Variants in OXSR1 observed in about 807,000 individuals in gnomAD.
OXSR1 encodes oxidative stress responsive kinase 1.
OXSR1 carries 24 observed loss-of-function variants against 79.8 expected under a neutral mutation model. The observed-to-expected ratio is 0.30, with a 90% CI of 0.22 to 0.42. The LOEUF is 0.42. OXSR1 is among the 10% of genes least tolerant of loss of function. The pLI is 1.00. For missense variants in OXSR1, 430 were observed against 618.4 expected, an observed-to-expected ratio of 0.70 and a Z score of 3.23; for synonymous variants, 226 against 209.2, an observed-to-expected ratio of 1.08 and a Z score of -0.69.
chr3:38,180,641 C>T (rs992279205), intron 1 of OXSR1, among the ~76,000 whole-genome samples: 11 of 151,392 alleles, frequency 7.3e-5, no homozygotes, highest in African/African-American at 2.7e-4. Context: ...AAATGATCTC[C>T]CACCTCAGCC....
chr3:38,167,571 C>A (rs1252674943), intron 1 of OXSR1, among the ~76,000 whole-genome samples: 2 of 152,160 alleles, frequency 1.3e-5, no homozygotes, highest in Non-Finnish European at 2.9e-5. Flanking sequence ...TTTGTTTTTA[C>A]TTGCCTCTTG....
intron 5 of OXSR1, among the ~76,000 whole-genome samples, chr3:38,217,110 A>T (rs1300363459): frequency 6.6e-6 from 1 of 152,254 alleles, no homozygotes; most frequent in East Asian, 1.9e-4. Flanking sequence ...AAGTGGGCAG[A>T]AAACTGGCAT....
rs371937264 is a variant in OXSR1 at position 38,198,676 on chromosome 3, T to C, written c.293-46T>C. On this transcript the variant is annotated intron_variant, in intron 3 of 17. Transcript: ENST00000311806. ...GATTCTAAAATGGATCTGAATTATA[T>C]TGAATGATTTAGAGATTTTTAGAAA... 23 of 1,469,882 alleles carry C rather than the reference T, an allele frequency of 1.6e-5. No individual in the cohort carries two copies. The African/African-American group carries it at 1.8e-4, about 12-fold the overall frequency. 91.1% of individuals were successfully genotyped at this position (1,469,882 alleles called of 1,614,324 possible).
At chr3:38,241,197 TAAG>T (rs1703026060) in intron 11 of OXSR1, among the ~76,000 whole-genome samples, 1 of 152,128 alleles carries the variant, frequency 6.6e-6, no homozygotes, top group Admixed American at 6.5e-5. Flanking sequence ...TGGGATACAG[TAAG>T]AAGGACACGT....
intron 10 of OXSR1, among the ~76,000 whole-genome samples, chr3:38,232,351 G>A (rs575329987): frequency 7.6e-4 from 115 of 152,242 alleles, no homozygotes; most frequent in African/African-American, 2.1e-3. Flanking sequence ...GAGCCTGGGA[G>A]GTTGAAGGCA....
chr3:38,242,152 C>A (rs140222162), intron 11 of OXSR1, among the ~76,000 whole-genome samples: 129 of 152,272 alleles, frequency 8.5e-4, no homozygotes, highest in East Asian at 5.4e-3. Context: ...GACCTCACCT[C>A]AAGTATCAGT....
chr3:38,199,273 CTTT>C (rs762400923), intron 4 of OXSR1, among the ~76,000 whole-genome samples: 2 of 142,492 alleles, frequency 1.4e-5, no homozygotes, highest in Admixed American at 7.0e-5. Flanking sequence ...AGCCTTTTTT[CTTT>C]TTTTTTTTTT....
At chr3:38,179,359 G>A (rs1317802256) in intron 1 of OXSR1, among the ~76,000 whole-genome samples, 1 of 151,946 alleles carries the variant, frequency 6.6e-6, no homozygotes, top group South Asian at 2.1e-4. Context: ...CATAGACAGG[G>A]TCTTGCCATG....
intron 9 of OXSR1, 56 bp from the exon 10 acceptor site, chr3:38,230,308 GT>G (rs1168204241): frequency 1.0e-4 from 115 of 1,118,016 alleles, no homozygotes; most frequent in Admixed American, 1.4e-4. Flanking sequence ...TTTTTTGTGG[GT>G]TTTTTTTGGT....
intron 3 of OXSR1, 28 bp from the exon 4 acceptor site, chr3:38,198,694 T>G (rs1476518269): frequency 1.9e-6 from 3 of 1,582,684 alleles, no homozygotes; most frequent in Non-Finnish European, 2.6e-6. Context: ...TTTAGAGATT[T>G]TTAGAAAATT....
intron 4 of OXSR1, among the ~76,000 whole-genome samples, chr3:38,206,638 A>G (rs1360989457): frequency 6.6e-6 from 1 of 152,208 alleles, no homozygotes; most frequent in Non-Finnish European, 1.5e-5. Context: ...GTTCTGAAGT[A>G]AAAACTTTGA....
chr3:38,218,894 G>A (rs1702536253), intron 5 of OXSR1, among the ~76,000 whole-genome samples: 1 of 151,986 alleles, frequency 6.6e-6, no homozygotes, highest in African/African-American at 2.4e-5. Flanking sequence ...ACAAAGGGGG[G>A]GACCTTGTCT....
chr3:38,246,135 C>T lies in OXSR1; in HGVS notation c.1171C>T (p.His391Tyr), dbSNP rs201009720. 500 of 1,613,694 alleles carry T rather than the reference C, an allele frequency of 3.1e-4. 2 individuals carry two copies. The highest frequency in any genetic ancestry group is 3.9e-4 in the Non-Finnish European group (457 of 1,179,680). Residue 391 changes from histidine (H) to tyrosine (Y), a missense_variant, in exon 13 of 18, where the codon CAT becomes TAT. Transcript: ENST00000311806. Reference sequence around the variant, plus strand: ...CCAAGTTCCAGAACAGATCTCTGCTCATCTACCTCAGCCAGCTGGGCAGAT... The same window carrying T: ...CCAAGTTCCAGAACAGATCTCTGCTTATCTACCTCAGCCAGCTGGGCAGAT... ...LLQVPEQISAHLPQPAGQIAT... is the reference protein window; with the variant it reads ...LLQVPEQISAYLPQPAGQIAT...
chr3:38,244,748 A>G (rs1703106846), intron 12 of OXSR1, among the ~76,000 whole-genome samples: 1 of 151,420 alleles, frequency 6.6e-6, no homozygotes. Flanking sequence ...CAATTATGCC[A>G]TTGTCAACAT....
At chr3:38,244,983 A>G (rs1703111515) in intron 12 of OXSR1, among the ~76,000 whole-genome samples, 1 of 152,170 alleles carries the variant, frequency 6.6e-6, no homozygotes, top group Non-Finnish European at 1.5e-5. Flanking sequence ...TTTACTATAG[A>G]TAAATGTAAG....
chr3:38,244,391 T>C (rs1703094238), intron 12 of OXSR1, among the ~76,000 whole-genome samples: 1 of 152,198 alleles, frequency 6.6e-6, no homozygotes, highest in Non-Finnish European at 1.5e-5. Flanking sequence ...TCTTCAGAAC[T>C]ATTTTATCTT....
intron 10 of OXSR1, chr3:38,236,530 C>CTTT: frequency 6.0e-6 from 1 of 166,004 alleles, no homozygotes; most frequent in Admixed American, 6.6e-5. Flanking sequence ...CCCAAAACCT[C>CTTT]TTTTTTTTTT....
chr3:38,183,119 T>C lies in OXSR1; in HGVS notation c.183+4T>C, dbSNP rs1446013230. 4 of 1,478,346 alleles carry C rather than the reference T, an allele frequency of 2.7e-6. No individual in the cohort carries two copies. The highest frequency in any genetic ancestry group is 3.8e-6 in the Non-Finnish European group (4 of 1,058,798). The allele number at this position is 1,478,346 out of a possible 1,614,324, so 91.6% of individuals were successfully genotyped here. A position where few individuals can be genotyped will look rare whatever the true frequency, so the allele number is the denominator to read the frequency against. The stretch of plus-strand genomic sequence containing the variant: ...AACTAGCATGGATGAACTCCTGGTA[T>C]GCACATCTTATACTTCTGAAATGGA... On this transcript the variant is annotated splice_donor_region_variant and intron_variant, in intron 2 of 17. Coordinates refer to ENST00000311806, the MANE Select transcript of OXSR1 (RefSeq NM_005109.3).
At chr3:38,234,396 C>T (rs958658212) in intron 10 of OXSR1, among the ~76,000 whole-genome samples, 5 of 151,978 alleles carry the variant, frequency 3.3e-5, no homozygotes, top group African/African-American at 1.2e-4. Flanking sequence ...ACTTTTGCAA[C>T]TCAATAATAA....
Sources: allele counts gnomAD v4.1 joint callset (sites outside exome capture counted in the v4.1 genomes callset), GRCh38; gene constraint gnomAD v4.1.1; transcripts MANE v1.5; gene names NCBI Gene and HGNC (gene_info 2026-07-23, HGNC 2026-07-21).